PRKAG2: variants seen among roughly 807,000 people sequenced by gnomAD.
PRKAG2 encodes the protein 5'-AMP-activated protein kinase subunit gamma-2.
PRKAG2 carries 26 observed loss-of-function variants against 69.6 expected under a neutral mutation model. That is an observed-to-expected ratio of 0.37 (90% confidence interval 0.27 to 0.52). The LOEUF is 0.52. Ranked by LOEUF, PRKAG2 falls within the 20% of genes least tolerant of loss-of-function variation. PRKAG2 has a pLI of 0.90. For synonymous variants in PRKAG2, 293 were observed against 285.0 expected (o/e 1.03, Z -0.28); for missense variants, 557 against 740.0 (o/e 0.75, Z 2.87).
At chr7:151,569,366 A>G (rs73727852) in intron 10 of PRKAG2, among the ~76,000 whole-genome samples, 194 of 152,344 alleles carry the variant, frequency 1.3e-3, no homozygotes, top group African/African-American at 4.4e-3. Context: ...GAGTGTATTT[A>G]GTGATTTTAT....
At chr7:151,721,103 G>A (rs1797019684) in intron 3 of PRKAG2, among the ~76,000 whole-genome samples, 1 of 151,332 alleles carries the variant, frequency 6.6e-6, no homozygotes, top group African/African-American at 2.4e-5. Context: ...GGCAGAGGGG[G>A]ACAGAAGGAT....
chr7:151,688,055 C>T (rs550939667), intron 3 of PRKAG2, among the ~76,000 whole-genome samples: 1 of 150,842 alleles, frequency 6.6e-6, no homozygotes, highest in Non-Finnish European at 1.5e-5. Flanking sequence ...CCCCCCCGGG[C>T]TCCTTGCTGA....
intron 3 of PRKAG2, among the ~76,000 whole-genome samples, chr7:151,753,525 T>G (rs2151741540): frequency 6.6e-6 from 1 of 152,250 alleles, no homozygotes; most frequent in African/African-American, 2.4e-5. Context: ...ATGAGAACTC[T>G]TTGTATTATT....
chr7:151,708,710 G>A (rs772206628), intron 3 of PRKAG2, among the ~76,000 whole-genome samples: 2 of 152,228 alleles, frequency 1.3e-5, no homozygotes, highest in Non-Finnish European at 2.9e-5. Context: ...AAGGTAAAAT[G>A]TCCAGCAATT....
intron 1 of PRKAG2, among the ~76,000 whole-genome samples, chr7:151,792,012 C>T (rs762520582): frequency 6.6e-6 from 1 of 152,224 alleles, no homozygotes; most frequent in Non-Finnish European, 1.5e-5. Flanking sequence ...CAAGCATGTC[C>T]TGTAACCAGG....
chr7:151,790,913 T>G (rs913095848), intron 1 of PRKAG2, among the ~76,000 whole-genome samples: 1 of 152,216 alleles, frequency 6.6e-6, no homozygotes, highest in Admixed American at 6.5e-5. Context: ...GAGGGCCGGA[T>G]GTGAGGCCTG....
chr7:151,846,213 A>C (rs2079428435), intron 1 of PRKAG2, among the ~76,000 whole-genome samples: 1 of 152,208 alleles, frequency 6.6e-6, no homozygotes, highest in Non-Finnish European at 1.5e-5. Flanking sequence ...GGTGGTTCAC[A>C]GTTGTAATCC....
intron 3 of PRKAG2, among the ~76,000 whole-genome samples, chr7:151,754,683 T>G (rs2074949285): frequency 6.6e-6 from 1 of 151,864 alleles, no homozygotes; most frequent in African/African-American, 2.4e-5. Context: ...TGGCTTCATA[T>G]AGTCCCTGTT....
intron 5 of PRKAG2, among the ~76,000 whole-genome samples, chr7:151,609,937 G>T (rs1448987298): frequency 6.6e-6 from 1 of 152,186 alleles, no homozygotes. Flanking sequence ...CACCTCTCCT[G>T]CCATGAGCAG....
chr7:151,857,734 C>T (rs758191523), intron 1 of PRKAG2, among the ~76,000 whole-genome samples: 2 of 152,232 alleles, frequency 1.3e-5, no homozygotes, highest in Non-Finnish European at 2.9e-5. Flanking sequence ...TGGGAGCGCT[C>T]GCTCTCTTTG....
intron 1 of PRKAG2, among the ~76,000 whole-genome samples, chr7:151,841,821 TGTGATGGTA>T (rs1471921627): frequency 7.7e-6 from 1 of 129,602 alleles, no homozygotes; most frequent in Non-Finnish European, 1.6e-5. Context: ...GATGGTAGGT[TGTGATGGTA>T]GTGATGGTAG....
intron 5 of PRKAG2, among the ~76,000 whole-genome samples, chr7:151,603,566 G>A (rs1816739771): frequency 2.3e-5 from 3 of 129,834 alleles, no homozygotes; most frequent in South Asian, 5.3e-4. Flanking sequence ...ACCGCACACG[G>A]AGGGACACGC....
intron 15 of PRKAG2, chr7:151,557,995 T>C (rs1804135084): frequency 9.1e-6 from 9 of 984,842 alleles, no homozygotes; most frequent in African/African-American, 3.5e-5. Flanking sequence ...AGAGCTACTA[T>C]TTTTCTCATC....
chr7:151,845,525 C>T (rs574883999), intron 1 of PRKAG2, among the ~76,000 whole-genome samples: 73 of 152,262 alleles, frequency 4.8e-4, no homozygotes, highest in African/African-American at 1.3e-3. Flanking sequence ...ACCAGCCTAA[C>T]TATTGTTGAG....
intron 1 of PRKAG2, among the ~76,000 whole-genome samples, chr7:151,791,239 G>A (rs117922309): frequency 1.0e-3 from 154 of 152,306 alleles, no homozygotes; most frequent in South Asian, 1.7e-3. Flanking sequence ...TCTTGGGGCC[G>A]GTGTGGGAAA....
Position 151,729,106 on chromosome 7 carries a change from G to C in PRKAG2, c.466+52046C>G, listed in dbSNP as rs779838273. 1.1e-4 allele frequency among the ~76,000 whole-genome samples: 17 copies of C among 149,542 alleles called. No individual in the cohort carries two copies. In the South Asian group the frequency reaches 3.8e-3, roughly 33 times the overall value. ...CCAGGCAGCGCTTGGTGACAGTGAC[G>C]TAGGGAGAACAGGCAGATGGGTTAT... is the stretch of plus-strand genomic sequence containing the variant. On this transcript the variant is annotated intron_variant, in intron 3 of 15. Transcript: ENST00000287878.
Position 151,814,330 on chromosome 7 carries a change from C to CA in PRKAG2, c.115-27790dup. The CA allele has an allele frequency of 1.0e-6, 1 of 962,558 alleles. No individual in the cohort carries two copies. The highest frequency in any genetic ancestry group is 5.3e-5 in the South Asian group (1 of 18,968). 59.6% of individuals were successfully genotyped at this position (962,558 alleles called of 1,614,324 possible). On this transcript the variant is annotated intron_variant, in intron 1 of 15. Coordinates refer to ENST00000287878, the MANE Select transcript of PRKAG2 (RefSeq NM_016203.4). This position sits in a 1 kb window ranked among gnomAD's most constrained non-coding sequence, Gnocchi z 4.8. ...GCATCAGTCTTACACACCAAGGAGA[C>CA]AAAGCATCGTGAGGGGGAAAACCGC... is the stretch of plus-strand genomic sequence containing the variant.
intron 6 of PRKAG2, among the ~76,000 whole-genome samples, chr7:151,591,121 G>C (rs1211042312): frequency 1.3e-5 from 2 of 152,248 alleles, no homozygotes; most frequent in African/African-American, 4.8e-5. Context: ...GTACAGGTGA[G>C]GGGCCCCTTC....
chr7:151,769,879 C>T (rs1347119061), intron 3 of PRKAG2, among the ~76,000 whole-genome samples: 1 of 152,190 alleles, frequency 6.6e-6, no homozygotes, highest in Non-Finnish European at 1.5e-5. Flanking sequence ...CGTGTGTCCA[C>T]TGCTAGGGAC....
Sources: allele counts gnomAD v4.1 joint callset (sites outside exome capture counted in the v4.1 genomes callset), GRCh38; gene constraint gnomAD v4.1.1; non-coding constraint Gnocchi (gnomAD v3.1); transcripts MANE v1.5; gene names NCBI Gene and HGNC (gene_info 2026-07-23, HGNC 2026-07-21).